PRELID2: variants seen among roughly 807,000 people sequenced by gnomAD.
The protein encoded by PRELID2 is PRELI domain containing 2, also known as PRELI domain-containing protein 2.
Under a neutral mutation model 28.4 loss-of-function variants are expected in PRELID2, and 25 were observed. The ratio of observed to expected loss-of-function variants is 0.88; its 90% CI spans 0.64 to 1.23. PRELID2 has a LOEUF of 1.23. Among genes scored for constraint, PRELID2 ranks in the 50% most tolerant of loss-of-function variants. The probability of loss-of-function intolerance (pLI) is 0.00; values close to 1 mark genes in which losing one functional copy is unlikely to be tolerated. For missense variants in PRELID2, 201 were observed against 214.4 expected (o/e 0.94, Z 0.39); for synonymous variants, 76 against 71.6 (o/e 1.06, Z -0.31).
At chr5:145,334,381 T>C in the PRELID2 span, among the ~76,000 whole-genome samples, 7 of 152,366 alleles carry the variant, frequency 4.6e-5, no homozygotes, top group Admixed American at 4.6e-4. Flanking sequence ...CTTTATCTTA[T>C]TAATGTCACA....
rs927161325 is a variant in PRELID2, at chr5:145,615,516, C to T, written n.71-142201G>A. ...TAATTTTTTGTATTTTTAGTAGAGA[C>T]GGGGTTTCACCGTGTTAGCCAGGAT... On this transcript the variant is annotated intron_variant and non_coding_transcript_variant, in intron 1 of 2. Transcript: ENST00000510259. 6.2e-5 allele frequency among the ~76,000 whole-genome samples: 8 copies of T among 129,208 alleles called. 2 individuals carry two copies. Among genetic ancestry groups the T allele is most frequent in the African/African-American group, 2.0e-4 (6 of 30,224 alleles). 84.8% of individuals were successfully genotyped at this position (129,208 alleles called of 152,430 possible).
chr5:145,325,676 A>G, the PRELID2 span, among the ~76,000 whole-genome samples: 1 of 151,976 alleles, frequency 6.6e-6, no homozygotes, highest in Non-Finnish European at 1.5e-5. Flanking sequence ...ATGAACCAAA[A>G]CTCAAACTTT....
intron 1 of PRELID2, among the ~76,000 whole-genome samples, chr5:145,534,311 G>T (rs1319226841): frequency 1.3e-5 from 2 of 151,888 alleles, no homozygotes; most frequent in Non-Finnish European, 2.9e-5. Context: ...TGTGTTTCTT[G>T]AGAAACACAG....
At chr5:145,439,048 G>T in the PRELID2 span, among the ~76,000 whole-genome samples, 1 of 152,112 alleles carries the variant, frequency 6.6e-6, no homozygotes, top group African/African-American at 2.4e-5. Flanking sequence ...CAATGTTGCA[G>T]TTGCTCAAAA....
chr5:145,668,328 T>C (rs2149681474), intron 1 of PRELID2, among the ~76,000 whole-genome samples: 1 of 148,244 alleles, frequency 6.7e-6, no homozygotes, highest in East Asian at 2.0e-4. Context: ...GCATAACCAA[T>C]CTAATTGATT....
intron 1 of PRELID2, among the ~76,000 whole-genome samples, chr5:145,565,642 G>A (rs533983131): frequency 4.6e-5 from 7 of 152,142 alleles, no homozygotes; most frequent in South Asian, 2.1e-4. Context: ...AAAAATAAAC[G>A]TTTTAAGCAA....
chr5:145,337,920 C>CA, the PRELID2 span: 1 of 151,362 alleles, frequency 6.6e-6, no homozygotes, highest in African/African-American at 2.4e-5. Context: ...ATAGTATACA[C>CA]AAATCAAAAT....
At chr5:145,400,904 A>T in the PRELID2 span, among the ~76,000 whole-genome samples, 5 of 152,144 alleles carry the variant, frequency 3.3e-5, no homozygotes, top group Non-Finnish European at 7.4e-5. Flanking sequence ...CCATGTCTAA[A>T]GCCAGTGCCA....
At chr5:145,724,622 T>A (rs1186019836) in intron 1 of PRELID2, among the ~76,000 whole-genome samples, 3 of 73,292 alleles carry the variant, frequency 4.1e-5, no homozygotes, top group African/African-American at 1.6e-4. Context: ...TATATATATA[T>A]ATATATATAT....
chr5:145,322,826 T>A, the PRELID2 span, among the ~76,000 whole-genome samples: 1 of 151,756 alleles, frequency 6.6e-6, no homozygotes, highest in African/African-American at 2.4e-5. Context: ...GGTGGGTGGA[T>A]CATGAGGTCA....
At chr5:145,323,278 G>C in the PRELID2 span, among the ~76,000 whole-genome samples, 1 of 152,068 alleles carries the variant, frequency 6.6e-6, no homozygotes, top group Admixed American at 6.5e-5. Flanking sequence ...GAAAATGAGT[G>C]GGAGAGTGGC....
chr5:145,437,666 C>T, the PRELID2 span, among the ~76,000 whole-genome samples: 1 of 152,072 alleles, frequency 6.6e-6, no homozygotes, highest in African/African-American at 2.4e-5. Context: ...GTGTAGCTGA[C>T]AGTCCCAGAA....
chr5:145,229,819 G>A, the PRELID2 span: 13 of 759,600 alleles, frequency 1.7e-5, no homozygotes, highest in Middle Eastern at 3.7e-4. Flanking sequence ...GAATTTGTCC[G>A]CCCCTGCATC....
chr5:145,373,968 A>G, the PRELID2 span, among the ~76,000 whole-genome samples: 1 of 144,632 alleles, frequency 6.9e-6, no homozygotes, highest in South Asian at 2.1e-4. Flanking sequence ...TATAACATAT[A>G]ATATATATTA....
intron 5 of PRELID2, among the ~76,000 whole-genome samples, chr5:145,770,962 G>T (rs1483409983): frequency 2.0e-5 from 3 of 152,108 alleles, no homozygotes; most frequent in East Asian, 3.9e-4. Context: ...TATAAATGTA[G>T]TGTAGCCTAA....
At position 145,535,789 on chromosome 5, in the gene PRELID2, A is replaced by G. The variant is rs149302527; in HGVS notation, n.71-62474T>C. Reference sequence around the variant, plus strand: ...CATATCCAAGTGTTTTAAGTCATTTATTCTAGAACAATAGTTTATTTCTCT... The same window carrying G: ...CATATCCAAGTGTTTTAAGTCATTTGTTCTAGAACAATAGTTTATTTCTCT... On this transcript the variant is annotated intron_variant and non_coding_transcript_variant, in intron 1 of 2. Coordinates refer to the PRELID2 transcript ENST00000510259. 1.4e-4 allele frequency among the ~76,000 whole-genome samples: 21 copies of G among 152,048 alleles called. No individual in the cohort carries two copies. In the East Asian group the frequency reaches 3.9e-3, roughly 28 times the overall value.
At chr5:145,585,828 G>C (rs1187528604) in intron 1 of PRELID2, among the ~76,000 whole-genome samples, 3 of 152,008 alleles carry the variant, frequency 2.0e-5, no homozygotes, top group Admixed American at 1.3e-4. Flanking sequence ...TCAGCCTGGG[G>C]GCCAGAGATA....
At chr5:145,570,109 C>CG (rs1580980688) in intron 1 of PRELID2, among the ~76,000 whole-genome samples, 1 of 152,108 alleles carries the variant, frequency 6.6e-6, no homozygotes, top group East Asian at 1.9e-4. Context: ...GGTGTTCTCC[C>CG]TGTGTGCATG....
the PRELID2 span, among the ~76,000 whole-genome samples, chr5:145,377,731 C>T: frequency 1.3e-5 from 2 of 152,118 alleles, no homozygotes; most frequent in East Asian, 1.9e-4. Context: ...ATTTTGAGCC[C>T]ATGTGTGTCA....
Sources: gnomAD v4.1 joint callset for allele counts (sites outside exome capture counted in the v4.1 genomes callset) on GRCh38, gnomAD v4.1.1 for gene constraint, MANE v1.5 for transcripts, NCBI Gene and HGNC (gene_info 2026-07-23, HGNC 2026-07-21) for gene names.